Variants in FRMPD4 observed in about 807,000 individuals in gnomAD.
FRMPD4 encodes FERM and PDZ domain containing 4, also known as FERM and PDZ domain-containing protein 4.
In FRMPD4, 22 loss-of-function variants were observed where a neutral mutation model predicts 94.1. The observed-to-expected ratio is 0.23, with a 90% CI of 0.17 to 0.33. The LOEUF is 0.33. Ranked by LOEUF, FRMPD4 falls within the 10% of genes least tolerant of loss-of-function variation. The pLI is 1.00. For missense variants in FRMPD4, 1,111 were observed against 1,339.9 expected (o/e 0.83, Z 2.67); for synonymous variants, 631 against 548.6 (o/e 1.15, Z -2.10).
intron 1 of FRMPD4, among the ~76,000 whole-genome samples, chrX:11,859,580 G>A (rs2053674015): frequency 8.9e-6 from 1 of 112,141 alleles, no homozygotes; most frequent in Non-Finnish European, 1.9e-5. Flanking sequence ...AGCTTTAGAA[G>A]CTAAGTAGTT....
intron 1 of FRMPD4, among the ~76,000 whole-genome samples, chrX:12,198,879 A>G (rs1235619148): frequency 8.9e-6 from 1 of 112,519 alleles, no homozygotes; most frequent in East Asian, 2.8e-4. Context: ...TGCCAGACTG[A>G]CAGTTTGAAC....
intron 1 of FRMPD4, among the ~76,000 whole-genome samples, chrX:12,422,303 G>A (rs983218960): frequency 1.8e-5 from 2 of 112,043 alleles, no homozygotes; most frequent in Non-Finnish European, 1.9e-5. Flanking sequence ...CGTGTAGGAC[G>A]CTAGAGACAG....
chrX:12,365,249 CAGA>C (rs1324864519), intron 1 of FRMPD4, among the ~76,000 whole-genome samples: 1 of 111,670 alleles, frequency 9.0e-6, no homozygotes, highest in Non-Finnish European at 1.9e-5. Context: ...AAATTTGAAG[CAGA>C]AGATCTGAGT....
chrX:11,883,190 A>G (rs1205414069), intron 3 of FRMPD4, among the ~76,000 whole-genome samples: 1 of 112,035 alleles, frequency 8.9e-6, no homozygotes, highest in Non-Finnish European at 1.9e-5. Flanking sequence ...GGTTGGCAAC[A>G]CCTAGTAAGT....
At chrX:11,899,161 ATTC>A (rs2053920035) in intron 3 of FRMPD4, among the ~76,000 whole-genome samples, 1 of 112,240 alleles carries the variant, frequency 8.9e-6, no homozygotes, top group Admixed American at 9.4e-5. Flanking sequence ...TATGCTCTAT[ATTC>A]TTCTCTGTGG....
chrX:11,982,891 A>G (rs1009390714), intron 3 of FRMPD4, among the ~76,000 whole-genome samples: 1 of 111,547 alleles, frequency 9.0e-6, no homozygotes, highest in African/African-American at 3.3e-5. Flanking sequence ...AGCGGGTCTG[A>G]TTCTGCTGTC....
intron 3 of FRMPD4, among the ~76,000 whole-genome samples, chrX:11,991,506 T>C (rs1235259257): frequency 2.7e-5 from 3 of 111,765 alleles, no homozygotes; most frequent in Non-Finnish European, 5.7e-5. Context: ...ACCATGGAGG[T>C]GTACACTATA....
At chrX:12,166,915 T>A (rs1177351592) in intron 1 of FRMPD4, among the ~76,000 whole-genome samples, 1 of 111,481 alleles carries the variant, frequency 9.0e-6, no homozygotes, top group Non-Finnish European at 1.9e-5. Flanking sequence ...TATCATTTTT[T>A]ATTGCGTCTA....
At chrX:12,122,198 T>C (rs1250736811) in intron 3 of FRMPD4, among the ~76,000 whole-genome samples, 2 of 109,787 alleles carry the variant, frequency 1.8e-5, no homozygotes, top group African/African-American at 6.6e-5. Context: ...ACCCTCCTTA[T>C]AGACTTGATG....
At position 12,718,495 on chromosome X, in the gene FRMPD4, C is replaced by T. The variant is rs2042151039; in HGVS notation, c.3669C>T (p.Gly1223=). 1 of 1,206,033 alleles carries T rather than the reference C, an allele frequency of 8.3e-7. No individual in the cohort carries two copies. Among genetic ancestry groups the T allele is most frequent in the East Asian group, 3.0e-5 (1 of 33,818 alleles). Residue 1223 remains glycine (G), a synonymous_variant, in exon 16 of 17, where the codon GGC becomes GGT. Transcript: ENST00000675598. Reference sequence around the variant, plus strand: ...GCTCTTCAGTGGATGCAGGCTGTGGCACAGGCAGCAGTGGCAGTGCCTGTG... The same window carrying T: ...GCTCTTCAGTGGATGCAGGCTGTGGTACAGGCAGCAGTGGCAGTGCCTGTG... The part of the protein sequence containing the change: ...SQGSSVDAGC[G]TGSSGSACAT...
chrX:11,916,990 A>G (rs746365081), intron 3 of FRMPD4, among the ~76,000 whole-genome samples: 1 of 111,980 alleles, frequency 8.9e-6, no homozygotes, highest in African/African-American at 3.2e-5. Context: ...GGGGCTGTAC[A>G]AAGATTTTCT....
chrX:12,006,045 C>T (rs1447943599), intron 3 of FRMPD4, among the ~76,000 whole-genome samples: 1 of 111,021 alleles, frequency 9.0e-6, no homozygotes, highest in African/African-American at 3.3e-5. Context: ...GTACAATGAA[C>T]CCATTTGCCT....
intron 2 of FRMPD4, among the ~76,000 whole-genome samples, chrX:12,512,948 G>A (rs570711344): frequency 3.6e-5 from 4 of 112,323 alleles, no homozygotes; most frequent in Admixed American, 1.9e-4. Context: ...TTGTGGTTTT[G>A]ATTTGCATTT....
rs757296569 is a variant in FRMPD4, at chrX:12,656,654, A to G, written c.423-18209A>G. 1.7e-3 allele frequency among the ~76,000 whole-genome samples: 193 copies of G among 112,676 alleles called. 1 individual carries two copies. Among genetic ancestry groups the G allele is most frequent in the Non-Finnish European group, 3.2e-3 (173 of 53,308 alleles). On this transcript the variant is annotated intron_variant, in intron 4 of 16. Transcript: ENST00000675598. Reference sequence around the variant, plus strand: ...TTCATATAATGTTGCAAATGAGGTCATACTGTTCTATGGTATTAAAAATCG... The same window carrying G: ...TTCATATAATGTTGCAAATGAGGTCGTACTGTTCTATGGTATTAAAAATCG...
chrX:12,469,345 G>A (rs901409309), intron 1 of FRMPD4, among the ~76,000 whole-genome samples: 1 of 111,176 alleles, frequency 9.0e-6, no homozygotes, highest in Non-Finnish European at 1.9e-5. Context: ...CAGCTTCCAG[G>A]TTCAAGCGAT....
intron 3 of FRMPD4, among the ~76,000 whole-genome samples, chrX:11,957,420 C>T (rs748534667): frequency 6.3e-5 from 7 of 111,149 alleles, no homozygotes; most frequent in Middle Eastern, 4.6e-3. Flanking sequence ...ATAGAATTAG[C>T]CAGGTGTGGT....
chrX:12,389,383 G>A, intron 1 of FRMPD4, among the ~76,000 whole-genome samples: 1 of 108,719 alleles, frequency 9.2e-6, no homozygotes, highest in Middle Eastern at 4.8e-3. Context: ...GCTGTGGCAG[G>A]AGAATCACTT....
At chrX:12,161,385 C>T (rs1456365705) in intron 1 of FRMPD4, among the ~76,000 whole-genome samples, 3 of 111,714 alleles carry the variant, frequency 2.7e-5, no homozygotes, top group Non-Finnish European at 5.6e-5. Flanking sequence ...TCTCCAATGC[C>T]GGGCCTTAAG....
At chrX:12,173,873 A>T (rs2056260233) in intron 1 of FRMPD4, among the ~76,000 whole-genome samples, 2 of 110,930 alleles carry the variant, frequency 1.8e-5, no homozygotes, top group Admixed American at 1.9e-4. Context: ...AGCTGTCACT[A>T]GGATGGCCCC....
Sources: gnomAD v4.1 joint callset for allele counts (sites outside exome capture counted in the v4.1 genomes callset) on GRCh38, gnomAD v4.1.1 for gene constraint, MANE v1.5 for transcripts, NCBI Gene and HGNC (gene_info 2026-07-23, HGNC 2026-07-21) for gene names.